The following ART3 variants were observed in gnomAD, a reference collection of about 807,000 sequenced individuals.
The protein encoded by ART3 is ADP-ribosyltransferase 3 (inactive).
In ART3, 49 loss-of-function variants were observed where a neutral mutation model predicts 48.5. That is an observed-to-expected ratio of 1.01 (90% CI 0.80 to 1.28). The LOEUF (loss-of-function observed/expected upper bound fraction) is 1.28, where lower values mean the gene tolerates loss of function less well. Ranked by LOEUF, ART3 falls within the 50% of genes most tolerant of loss-of-function variation. The pLI is 0.00. For synonymous variants in ART3, 145 were observed against 157.2 expected (o/e 0.92, Z 0.58); for missense variants, 438 against 454.3 (o/e 0.96, Z 0.33).
chr4:76,051,783 C>A (rs1346046046), intron 1 of ART3, among the ~76,000 whole-genome samples: 1 of 151,820 alleles, frequency 6.6e-6, no homozygotes, highest in Non-Finnish European at 1.5e-5. Context: ...CCCAAGTGGT[C>A]TTCCCACCTC....
At chr4:76,018,570 G>A (rs1312267317) in intron 1 of ART3, among the ~76,000 whole-genome samples, 2 of 151,878 alleles carry the variant, frequency 1.3e-5, no homozygotes, top group African/African-American at 2.4e-5. Flanking sequence ...ACCTGCATGC[G>A]TACTCCCTAA....
intron 3 of ART3, among the ~76,000 whole-genome samples, chr4:76,087,062 C>T (rs1310267245): frequency 6.6e-6 from 1 of 152,146 alleles, no homozygotes; most frequent in African/African-American, 2.4e-5. Flanking sequence ...TGGCCAGATG[C>T]CGTTTGTGGA....
At chr4:76,041,952 A>G (rs367998659) in intron 1 of ART3, among the ~76,000 whole-genome samples, 1 of 152,224 alleles carries the variant, frequency 6.6e-6, no homozygotes, top group African/African-American at 2.4e-5. Context: ...GATCAGATAC[A>G]TTCTCTGTGT....
rs149360973 is a variant in ART3, at chr4:76,096,485, C to T, written c.782-1159C>T. Among the ~76,000 whole-genome samples, 3 of 152,312 alleles carry T rather than the reference C, an allele frequency of 2.0e-5. No individual in the cohort carries two copies. In the East Asian group the frequency reaches 5.8e-4, roughly 29 times the overall value. ...TCTCCTATTGTAGGTAAAGAGGCTC[C>T]TCCTCAGGTAGCTGAACTTCCAGAT... On this transcript the variant is annotated intron_variant, in intron 3 of 11. Transcript: ENST00000355810.
intron 8 of ART3, among the ~76,000 whole-genome samples, chr4:76,103,557 A>C (rs1275853897): frequency 6.6e-6 from 1 of 152,134 alleles, no homozygotes; most frequent in Non-Finnish European, 1.5e-5. Flanking sequence ...TGAGAAACTA[A>C]AGTTAGGAGG....
intron 1 of ART3, among the ~76,000 whole-genome samples, chr4:76,020,204 G>A (rs1181009490): frequency 6.6e-6 from 1 of 150,630 alleles, no homozygotes; most frequent in Non-Finnish European, 1.5e-5. Flanking sequence ...ATAGCTCACT[G>A]TAACCCCAGA....
At chr4:76,051,785 TC>T (rs1275370122) in intron 1 of ART3, among the ~76,000 whole-genome samples, 5 of 152,072 alleles carry the variant, frequency 3.3e-5, no homozygotes, top group Non-Finnish European at 7.4e-5. Flanking sequence ...CAAGTGGTCT[TC>T]CCACCTCAAC....
chr4:76,021,794 G>T, intron 1 of ART3: 1 of 831,158 alleles, frequency 1.2e-6, no homozygotes, highest in Non-Finnish European at 2.1e-6. Context: ...GACCATCATT[G>T]GTCACCTTTT....
intron 1 of ART3, chr4:76,034,602 CTG>C (rs1734176564): frequency 4.9e-6 from 3 of 607,456 alleles, no homozygotes; most frequent in African/African-American, 1.9e-5. Context: ...TTCAGGAAGA[CTG>C]TATTTCTGTT....
intron 1 of ART3, among the ~76,000 whole-genome samples, chr4:76,017,838 C>A (rs893676898): frequency 5.3e-5 from 8 of 152,232 alleles, no homozygotes; most frequent in Non-Finnish European, 1.0e-4. Flanking sequence ...CTGAGTTCAG[C>A]CTAATTTTGC....
chr4:76,110,545 C>A (rs1729283184), intron 11 of ART3, among the ~76,000 whole-genome samples: 1 of 150,850 alleles, frequency 6.6e-6, no homozygotes, highest in Non-Finnish European at 1.5e-5. Context: ...CTTTACCTTG[C>A]ATGTATATAC....
At chr4:76,054,470 A>G (rs1718487939) in intron 1 of ART3, among the ~76,000 whole-genome samples, 1 of 152,166 alleles carries the variant, frequency 6.6e-6, no homozygotes, top group East Asian at 1.9e-4. Context: ...TGTTCTAGCT[A>G]TTTTATTTCT....
intron 8 of ART3, 40 bp from the exon 9 acceptor site, chr4:76,103,897 T>C: frequency 6.3e-7 from 1 of 1,585,104 alleles, no homozygotes; most frequent in Non-Finnish European, 8.6e-7. Flanking sequence ...CAGTATAAGA[T>C]AACTGATTAA....
chr4:76,050,012 C>T (rs747784919), intron 1 of ART3, among the ~76,000 whole-genome samples: 11 of 151,296 alleles, frequency 7.3e-5, no homozygotes, highest in East Asian at 3.9e-4. Context: ...CTTAAGGCGG[C>T]GCGTCTGGAG....
At chr4:76,040,841 C>G (rs12509255) in intron 1 of ART3, among the ~76,000 whole-genome samples, 10,221 of 152,096 alleles carry the variant, frequency 0.067, 951 homozygotes, top group African/African-American at 0.21. Flanking sequence ...GTGCTGTAAC[C>G]TTTTCACTTC....
At chr4:76,038,603 T>C (rs1317125703) in intron 1 of ART3, among the ~76,000 whole-genome samples, 1 of 152,230 alleles carries the variant, frequency 6.6e-6, no homozygotes, top group Non-Finnish European at 1.5e-5. Flanking sequence ...TTTTTTAATG[T>C]TGCTTTTCAT....
At chr4:76,021,919 C>T in intron 1 of ART3, 2 of 1,611,116 alleles carry the variant, frequency 1.2e-6, no homozygotes, top group Non-Finnish European at 1.7e-6. Context: ...CGATTTTGCT[C>T]CCCTCTGGTT....
At chr4:76,058,465 TTAAA>T (rs1718891139) in intron 1 of ART3, 1 of 152,266 alleles carries the variant, frequency 6.6e-6, no homozygotes, top group East Asian at 1.9e-4. Context: ...TGACTTTGAG[TTAAA>T]TAGAGAGTTG....
chr4:76,106,143 T>A (rs992754988), intron 10 of ART3: 1 of 985,314 alleles, frequency 1.0e-6, no homozygotes, highest in Non-Finnish European at 1.2e-6. Flanking sequence ...CTAACAAATT[T>A]ATAATAGGCT....
Sources: gnomAD v4.1 joint callset for allele counts (sites outside exome capture counted in the v4.1 genomes callset) on GRCh38, gnomAD v4.1.1 for gene constraint, MANE v1.5 for transcripts, NCBI Gene and HGNC (gene_info 2026-07-23, HGNC 2026-07-21) for gene names.